Variants in RALGAPB observed in about 807,000 individuals in gnomAD.
RALGAPB encodes the protein ral GTPase-activating protein subunit beta.
A neutral mutation model predicts 161.1 loss-of-function variants in RALGAPB; 25 were observed. The ratio of observed to expected loss-of-function variants is 0.16; its 90% CI spans 0.11 to 0.22. The LOEUF (loss-of-function observed/expected upper bound fraction) is 0.22, where lower values mean the gene tolerates loss of function less well. Ranked by LOEUF, RALGAPB falls within the 10% of genes least tolerant of loss-of-function variation. The pLI is 1.00. For missense variants in RALGAPB, 1,391 were observed against 1,815.2 expected, an observed-to-expected ratio of 0.77 and a Z score of 4.25; for synonymous variants, 629 against 626.1, an observed-to-expected ratio of 1.00 and a Z score of -0.07.
intron 9 of RALGAPB, among the ~76,000 whole-genome samples, chr20:38,518,905 A>G (rs2086209988): frequency 6.6e-6 from 1 of 152,214 alleles, no homozygotes; most frequent in Admixed American, 6.5e-5. Context: ...AGTTCCAAGG[A>G]TAAAACTAAT....
Position 38,535,142 on chromosome 20 carries a change from T to A in RALGAPB, c.2314T>A (p.Ser772Thr). Residue 772 changes from serine to threonine, a missense_variant, in exon 16 of 30, where the codon TCC becomes ACC. By Grantham distance (58) the Ser-to-Thr change is moderately conservative (BLOSUM62 1). This residue lies in a region of RALGAPB where 946 missense variants were observed against 1,257.2 expected (regional missense o/e 0.75). Coordinates refer to ENST00000262879, the MANE Select transcript of RALGAPB (RefSeq NM_020336.4). ...SIHLVTQRLN[S>T]QWRQDMSISL... The stretch of plus-strand genomic sequence containing the variant: ...TCATCTCGTCACCCAAAGACTCAAC[T>A]CCCAGTGGCGCCAAGACATGAGCAT... 1 of 1,614,114 alleles carries A rather than the reference T, an allele frequency of 6.2e-7. No homozygotes were observed. The highest frequency in any genetic ancestry group is 1.1e-5 in the South Asian group (1 of 91,080).
At chr20:38,544,587 C>T (rs2087094602) in intron 18 of RALGAPB, among the ~76,000 whole-genome samples, 1 of 152,216 alleles carries the variant, frequency 6.6e-6, no homozygotes, top group Non-Finnish European at 1.5e-5. Flanking sequence ...CCTCCCTCAG[C>T]TTCCCGAGTA....
In RALGAPB at chr20:38,576,351, A is replaced by G. The variant is rs1375865023; in HGVS notation, c.*1384A>G. 2 of 152,652 alleles carry G rather than the reference A, an allele frequency of 1.3e-5. No homozygotes were observed. The highest frequency in any genetic ancestry group is 4.8e-5 in the African/African-American group (2 of 41,454). The allele number at this position is 152,652 out of a possible 1,614,324, so 9.5% of individuals were successfully genotyped here. Reference sequence around the variant, plus strand: ...CAGTCGACTGTGGGTCAGAGCTACAACCATCTGTTTGGTTTGATGTTTTGG... The same window carrying G: ...CAGTCGACTGTGGGTCAGAGCTACAGCCATCTGTTTGGTTTGATGTTTTGG... On this transcript the variant is annotated 3_prime_UTR_variant, in exon 30 of 30. Transcript: ENST00000262879.
chr20:38,502,957 G>C (rs895890425), intron 5 of RALGAPB, among the ~76,000 whole-genome samples: 1 of 152,136 alleles, frequency 6.6e-6, no homozygotes, highest in Non-Finnish European at 1.5e-5. Flanking sequence ...GCCCAGGCTA[G>C]AGTATAATGG....
chr20:38,498,081 A>G (rs2085478727), intron 4 of RALGAPB, among the ~76,000 whole-genome samples: 1 of 142,848 alleles, frequency 7.0e-6, no homozygotes, highest in South Asian at 2.2e-4. Flanking sequence ...AAAAAAAAAA[A>G]AAAAGAAAAG....
intron 15 of RALGAPB, among the ~76,000 whole-genome samples, chr20:38,533,660 G>T (rs2086721102): frequency 6.6e-6 from 1 of 152,134 alleles, no homozygotes; most frequent in Non-Finnish European, 1.5e-5. Flanking sequence ...GTTTAAGTTT[G>T]CAACAAGTAT....
At chr20:38,479,857 A>G (rs534416729) in intron 1 of RALGAPB, among the ~76,000 whole-genome samples, 2 of 152,268 alleles carry the variant, frequency 1.3e-5, no homozygotes, top group South Asian at 4.1e-4. Flanking sequence ...CTTAGCCTAT[A>G]TGGTAGCCAC....
intron 5 of RALGAPB, chr20:38,500,151 A>C (rs1010147242): frequency 6.6e-6 from 1 of 151,864 alleles, no homozygotes; most frequent in African/African-American, 2.4e-5. Flanking sequence ...CATTTTTTTC[A>C]GACTTATTTT....
At chr20:38,505,317 A>G (rs1256612298) in intron 5 of RALGAPB, among the ~76,000 whole-genome samples, 3 of 152,220 alleles carry the variant, frequency 2.0e-5, no homozygotes, top group Non-Finnish European at 4.4e-5. Flanking sequence ...AAGTGAATTA[A>G]CACAGGAACA....
At chr20:38,487,017 A>G (rs879898237) in intron 1 of RALGAPB, among the ~76,000 whole-genome samples, 2 of 152,200 alleles carry the variant, frequency 1.3e-5, no homozygotes, top group Admixed American at 6.5e-5. Context: ...TTATATGAAC[A>G]TCCGGTAATA....
At chr20:38,546,546 T>C in intron 19 of RALGAPB, 116 bp downstream of exon 19, 1 of 1,403,404 alleles carries the variant, frequency 7.1e-7, no homozygotes, top group Non-Finnish European at 9.8e-7. Context: ...GTCAGAAAGA[T>C]TTCTAGCTGT....
At chr20:38,532,378 A>C (rs1043199300) in intron 14 of RALGAPB, among the ~76,000 whole-genome samples, 9 of 152,040 alleles carry the variant, frequency 5.9e-5, no homozygotes, top group Non-Finnish European at 7.4e-5. Context: ...TTTTAAGCTT[A>C]TATTTCTGTT....
At chr20:38,546,650 G>C (rs1401519344) in intron 19 of RALGAPB, 1 of 538,090 alleles carries the variant, frequency 1.9e-6, no homozygotes, top group African/African-American at 1.9e-5. Flanking sequence ...ATCTGAACTA[G>C]CTCTGTAGTT....
chr20:38,478,350 A>G (rs1481998646), intron 1 of RALGAPB, among the ~76,000 whole-genome samples: 1 of 152,264 alleles, frequency 6.6e-6, no homozygotes, highest in Non-Finnish European at 1.5e-5. Context: ...AATAAAATGA[A>G]GTAACATGTA....
chr20:38,516,251 A>G lies in RALGAPB; in HGVS notation c.932A>G (p.Gln311Arg), dbSNP rs2086119095. Residue 311 changes from glutamine (Q) to arginine (R), a missense_variant, in exon 7 of 30, where the codon CAG becomes CGG. Around this residue, in one of 3 missense-constraint regions of RALGAPB, gnomAD observed 946 missense variants for 1,257.2 expected, o/e 0.75. Transcript: ENST00000262879. The part of the protein sequence containing the change: ...IISSTPKFQE[Q>R]FLNVSGMPQE... ...AGCTCTACTCCCAAATTTCAGGAAC[A>G]GTTCTTGAATGTGAGCGGAATGCCG... is the stretch of plus-strand genomic sequence containing the variant. 6.2e-7 allele frequency: 1 copy of G among 1,613,176 alleles called. No homozygotes were observed.
chr20:38,513,261 T>G (rs1267252169), intron 6 of RALGAPB, among the ~76,000 whole-genome samples: 3 of 151,674 alleles, frequency 2.0e-5, no homozygotes, highest in African/African-American at 7.3e-5. Flanking sequence ...CCCAACACTT[T>G]GGGAGGCCAA....
At chr20:38,506,617 T>C (rs2085770617) in intron 5 of RALGAPB, among the ~76,000 whole-genome samples, 1 of 152,222 alleles carries the variant, frequency 6.6e-6, no homozygotes, top group African/African-American at 2.4e-5. Flanking sequence ...TATTTTTCTT[T>C]GCAATTTTTT....
In RALGAPB at chr20:38,578,486, C is replaced by T. The variant is rs1230837746; in HGVS notation, c.*3519C>T. 1.3e-5 allele frequency: 2 copies of T among 152,556 alleles called. No homozygotes were observed. Among genetic ancestry groups the T allele is most frequent in the African/African-American group, 2.4e-5 (1 of 41,416 alleles). 9.5% of individuals were successfully genotyped at this position (152,556 alleles called of 1,614,324 possible). A position where few individuals can be genotyped will look rare whatever the true frequency, so the allele number is the denominator to read the frequency against. On this transcript the variant is annotated 3_prime_UTR_variant, in exon 30 of 30. Coordinates refer to ENST00000262879, the MANE Select transcript of RALGAPB (RefSeq NM_020336.4). ...TGAAGCAAACCAAGTTTCCCAAGTCCTCATCTCTTATAGTGACCAAGACAT... is the reference window on the plus strand; with the variant it reads ...TGAAGCAAACCAAGTTTCCCAAGTCTTCATCTCTTATAGTGACCAAGACAT...
rs746842262 is a variant in RALGAPB, at chr20:38,551,089, C to T, written c.3028C>T (p.Arg1010Cys). Reference sequence around the variant, plus strand: ...TTAACAGCTTTTTGTACCTGAACCTCGCCCAGTTCCTAAAAATGACGTTGG... The same window carrying T: ...TTAACAGCTTTTTGTACCTGAACCTTGCCCAGTTCCTAAAAATGACGTTGG... ...ANQKLFVPEP[R>C]PVPKNDVGFK... is the part of the protein sequence containing the mutation. The change falls in exon 21 of 30, where the codon CGC (arginine) becomes TGC (cysteine). Residue 1010 changes from arginine to cysteine, a missense_variant. By Grantham distance (180) the Arg-to-Cys change is radical. Coordinates refer to ENST00000262879, the MANE Select transcript of RALGAPB (RefSeq NM_020336.4). The T allele has an allele frequency of 4.3e-6, 7 of 1,613,806 alleles. No individual in the cohort carries two copies. Among genetic ancestry groups the T allele is most frequent in the South Asian group, 1.1e-5 (1 of 91,080 alleles).
Sources: gnomAD v4.1 joint callset for allele counts (sites outside exome capture counted in the v4.1 genomes callset) on GRCh38, gnomAD v4.1.1 for gene constraint, gnomAD v4.1.1 regional missense constraint, MANE v1.5 for transcripts, NCBI Gene and HGNC (gene_info 2026-07-23, HGNC 2026-07-21) for gene names.